The following KAZN variants were observed in gnomAD, a reference collection of about 807,000 sequenced individuals.
KAZN encodes kazrin, periplakin interacting protein, also known as kazrin.
KAZN carries 40 observed loss-of-function variants against 87.4 expected under a neutral mutation model. That is an observed-to-expected ratio of 0.46 (90% CI 0.36 to 0.60). The LOEUF (loss-of-function observed/expected upper bound fraction) is 0.60. Ranked by LOEUF, KAZN falls within the 20% of genes least tolerant of loss-of-function variation. The pLI is 0.00. For missense variants in KAZN, 898 were observed against 1,073.9 expected, an observed-to-expected ratio of 0.84 and a Z score of 2.29; for synonymous variants, 466 against 458.3, an observed-to-expected ratio of 1.02 and a Z score of -0.22.
At chr1:14,750,450 C>T (rs182651361) in intron 1 of KAZN, among the ~76,000 whole-genome samples, 43 of 152,302 alleles carry the variant, frequency 2.8e-4, no homozygotes, top group South Asian at 1.0e-3. Context: ...GGTACGAACA[C>T]TGAGGCTTCA....
At chr1:14,672,855 C>T (rs537232701) in intron 1 of KAZN, among the ~76,000 whole-genome samples, 66 of 152,312 alleles carry the variant, frequency 4.3e-4, no homozygotes, top group African/African-American at 1.5e-3. Context: ...TCTCTGGGCA[C>T]AGGATAGGGC....
At chr1:14,610,871 G>A (rs1360486845) in intron 1 of KAZN, among the ~76,000 whole-genome samples, 1 of 152,220 alleles carries the variant, frequency 6.6e-6, no homozygotes, top group East Asian at 1.9e-4. Flanking sequence ...TAGACCTTTA[G>A]AAGCTCTTTT....
rs541177553 is a variant in KAZN, at chr1:14,793,627, G to A, written c.227-167057G>A. 2.0e-5 allele frequency among the ~76,000 whole-genome samples: 3 copies of A among 152,348 alleles called. No individual in the cohort carries two copies. In the East Asian group the frequency reaches 5.8e-4, roughly 29 times the overall value. ...TGCCTAGAATGGTGGGTGGCACACA[G>A]TATGTGCTCCATAAATGTTTGCTTT... On this transcript the variant is annotated intron_variant, in intron 1 of 14. Coordinates refer to ENST00000376030, the MANE Select transcript of KAZN (RefSeq NM_201628.3).
chr1:14,500,994 C>T (rs923699074), intron 2 of KAZN, among the ~76,000 whole-genome samples: 2 of 151,814 alleles, frequency 1.3e-5, no homozygotes, highest in East Asian at 3.8e-4. Context: ...CAAATGGATT[C>T]ACTGGTGAAT....
At chr1:14,356,599 T>C (rs1241270238) in intron 2 of KAZN, among the ~76,000 whole-genome samples, 2 of 152,208 alleles carry the variant, frequency 1.3e-5, no homozygotes, top group Non-Finnish European at 2.9e-5. Context: ...AGTTATTTTT[T>C]GTATAAGGTG....
chr1:14,854,005 G>T (rs930341348), intron 1 of KAZN, among the ~76,000 whole-genome samples: 27 of 152,282 alleles, frequency 1.8e-4, no homozygotes, highest in Admixed American at 1.5e-3. Flanking sequence ...AGAGTCTCAG[G>T]CAGGGACAAT....
At chr1:14,209,412 C>T (rs1467188207) in intron 2 of KAZN, among the ~76,000 whole-genome samples, 1 of 152,144 alleles carries the variant, frequency 6.6e-6, no homozygotes, top group Admixed American at 6.5e-5. Context: ...TCCAGCATAC[C>T]CCATCTCCAT....
In KAZN at chr1:15,099,760, T is replaced by C. The variant is rs929090961; in HGVS notation, c.1548-1783T>C. Among the ~76,000 whole-genome samples the C allele has an allele frequency of 2.6e-5, 4 of 151,860 alleles. No individual in the cohort carries two copies. The highest frequency in any genetic ancestry group is 4.4e-5 in the Non-Finnish European group (3 of 67,980). On this transcript the variant is annotated intron_variant, in intron 10 of 14. Transcript: ENST00000376030. The surrounding 1 kb of genome is among the most constrained non-coding windows in gnomAD (Gnocchi z 5.4). The stretch of plus-strand genomic sequence containing the variant: ...ACATTTTAAAAGGACCCCCTGGTGG[T>C]CCTGGGGGATGCGGAATAGAAGGGA...
chr1:15,101,413 T>C (rs544904009), intron 10 of KAZN, 130 bp from the exon 11 acceptor site: 15 of 653,824 alleles, frequency 2.3e-5, no homozygotes, highest in Middle Eastern at 2.5e-4. Flanking sequence ...TGTCTGTCTC[T>C]GTGGCTCTCT....
intron 2 of KAZN, among the ~76,000 whole-genome samples, chr1:14,989,016 A>G (rs1027779986): frequency 3.9e-5 from 6 of 152,188 alleles, no homozygotes; most frequent in Non-Finnish European, 7.3e-5. Context: ...ACAGCTACCT[A>G]TTGAGGCCCC....
chr1:15,103,864 T>TA (rs1377239962), intron 12 of KAZN, among the ~76,000 whole-genome samples, 159 bp from the exon 13 acceptor site: 3 of 152,144 alleles, frequency 2.0e-5, no homozygotes, highest in African/African-American at 7.2e-5. Context: ...CTCGTGGCTC[T>TA]AAAAAATTGG....
At chr1:14,439,821 C>A (rs185242549) in intron 2 of KAZN, among the ~76,000 whole-genome samples, 1 of 152,166 alleles carries the variant, frequency 6.6e-6, no homozygotes, top group Non-Finnish European at 1.5e-5. Context: ...ACATCACCAA[C>A]GCTGACCTCT....
intron 1 of KAZN, among the ~76,000 whole-genome samples, chr1:13,992,877 CA>C (rs1173432631): frequency 1.3e-5 from 2 of 152,128 alleles, no homozygotes; most frequent in African/African-American, 4.8e-5. Flanking sequence ...AGTTGGCTTT[CA>C]AAGGTAAAAC....
chr1:14,193,091 T>C (rs902769596), intron 2 of KAZN, among the ~76,000 whole-genome samples: 1 of 152,156 alleles, frequency 6.6e-6, no homozygotes, highest in African/African-American at 2.4e-5. Context: ...CTGATGGTTT[T>C]ATAAGGCGTT....
At chr1:14,222,245 G>C (rs554375826) in intron 2 of KAZN, 2 of 152,122 alleles carry the variant, frequency 1.3e-5, no homozygotes, top group Non-Finnish European at 2.9e-5. Context: ...AAGATTATTC[G>C]TGGGGGATTA....
At chr1:14,269,702 T>G (rs1032470283) in intron 2 of KAZN, among the ~76,000 whole-genome samples, 1 of 152,112 alleles carries the variant, frequency 6.6e-6, no homozygotes, top group African/African-American at 2.4e-5. Flanking sequence ...ATATGGAAAC[T>G]GAAGGAAATG....
At chr1:13,919,442 A>T (rs527514069) in intron 1 of KAZN, among the ~76,000 whole-genome samples, 2 of 152,184 alleles carry the variant, frequency 1.3e-5, no homozygotes, top group Non-Finnish European at 2.9e-5. Flanking sequence ...CACGTTTAAT[A>T]TGTCTACACT....
intron 1 of KAZN, among the ~76,000 whole-genome samples, chr1:14,036,433 CT>C (rs1226405857): frequency 6.6e-6 from 1 of 152,160 alleles, no homozygotes; most frequent in Non-Finnish European, 1.5e-5. Flanking sequence ...GGGCAGGACC[CT>C]TTCCACAAAT....
At chr1:14,638,749 A>G (rs972880387) in intron 1 of KAZN, among the ~76,000 whole-genome samples, 1 of 151,790 alleles carries the variant, frequency 6.6e-6, no homozygotes, top group Non-Finnish European at 1.5e-5. Flanking sequence ...CCGCTTCTCC[A>G]TCTTCACCGC....
Sources: gnomAD v4.1 joint callset for allele counts (sites outside exome capture counted in the v4.1 genomes callset) on GRCh38, gnomAD v4.1.1 for gene constraint, Gnocchi (gnomAD v3.1) non-coding constraint, MANE v1.5 for transcripts, NCBI Gene and HGNC (gene_info 2026-07-23, HGNC 2026-07-21) for gene names.